Variants in CA10 observed in about 807,000 individuals in gnomAD.
The protein encoded by CA10 is carbonic anhydrase-related protein 10.
In CA10, 14 loss-of-function variants were observed where a neutral mutation model predicts 44.2. The ratio of observed to expected loss-of-function variants is 0.32; its 90% CI spans 0.21 to 0.50. CA10 has a LOEUF of 0.50. Among genes scored for constraint, CA10 ranks in the 20% least tolerant of loss-of-function variants. The probability of loss-of-function intolerance (pLI) is 0.99; values close to 1 mark genes in which losing one functional copy is unlikely to be tolerated. For synonymous variants in CA10, 159 were observed against 141.6 expected, an observed-to-expected ratio of 1.12 and a Z score of -0.87; for missense variants, 350 against 409.7, an observed-to-expected ratio of 0.85 and a Z score of 1.26.
intron 2 of CA10, among the ~76,000 whole-genome samples, chr17:52,009,600 C>G (rs1801773835): frequency 6.6e-6 from 1 of 151,944 alleles, no homozygotes; most frequent in Non-Finnish European, 1.5e-5. Flanking sequence ...TAGAATACCT[C>G]TAAAGCAAAG....
intron 4 of CA10, among the ~76,000 whole-genome samples, chr17:51,732,975 A>G (rs2143565518): frequency 6.6e-6 from 1 of 152,236 alleles, no homozygotes; most frequent in East Asian, 1.9e-4. Flanking sequence ...CAGTTCCTTC[A>G]TTTGTCCAGT....
rs1029407323 is a variant in CA10 at position 51,731,438 on chromosome 17, C to T, written c.465+16195G>A. Among the ~76,000 whole-genome samples the T allele has an allele frequency of 2.5e-4, 38 of 152,154 alleles. 1 individual carries two copies. Among genetic ancestry groups the T allele is most frequent in the African/African-American group, 9.1e-4 (38 of 41,542 alleles). On this transcript the variant is annotated intron_variant, in intron 4 of 8. Transcript: ENST00000451037. ...GTAATCTGGAACAATATAAACAATT[C>T]TTTTTGCTCTGAGTTCTAGAAACTG...
chr17:51,733,510 C>T (rs1416926544), intron 4 of CA10, among the ~76,000 whole-genome samples: 1 of 152,122 alleles, frequency 6.6e-6, no homozygotes, highest in East Asian at 1.9e-4. Flanking sequence ...GGGGAAATAT[C>T]ACCCTCCAGC....
intron 3 of CA10, among the ~76,000 whole-genome samples, chr17:51,841,482 G>A (rs1466638938): frequency 6.6e-6 from 1 of 152,146 alleles, no homozygotes; most frequent in Non-Finnish European, 1.5e-5. Context: ...TCCTCCACAG[G>A]GGAATTTCCA....
intron 3 of CA10, among the ~76,000 whole-genome samples, chr17:51,901,757 A>G (rs575268013): frequency 4.6e-5 from 7 of 152,224 alleles, no homozygotes; most frequent in Admixed American, 2.6e-4. Flanking sequence ...TAATGATGAC[A>G]ATGTTGTTGT....
rs187067022 is a variant in CA10, at chr17:51,665,209, G to C, written c.466-11473C>G. Among the ~76,000 whole-genome samples, 965 of 152,242 alleles carry C rather than the reference G, an allele frequency of 6.3e-3. 10 individuals are homozygous for C. Among genetic ancestry groups the C allele is most frequent in the Middle Eastern group, 0.034 (10 of 294 alleles). ...AGGCTTGGTTTTGTACACATTAATT[G>C]CATAAAGTATGATACTTAATAAGCA... is the stretch of plus-strand genomic sequence containing the variant. On this transcript the variant is annotated intron_variant, in intron 4 of 8. Transcript: ENST00000451037.
chr17:51,988,346 C>G (rs1249245350), intron 2 of CA10, among the ~76,000 whole-genome samples: 2 of 151,846 alleles, frequency 1.3e-5, no homozygotes, highest in African/African-American at 4.8e-5. Flanking sequence ...TGAAATGAAG[C>G]AGTCAGTAAG....
chr17:52,024,087 G>A (rs1394995640), intron 2 of CA10, among the ~76,000 whole-genome samples: 1 of 151,834 alleles, frequency 6.6e-6, no homozygotes, highest in Non-Finnish European at 1.5e-5. Context: ...CTTCTATCTG[G>A]GCTCTTGGCT....
chr17:51,782,595 G>C (rs1040256603), intron 3 of CA10, among the ~76,000 whole-genome samples: 6 of 152,200 alleles, frequency 3.9e-5, no homozygotes, highest in African/African-American at 1.4e-4. Flanking sequence ...AAAACAGAAA[G>C]AAAAGTATGA....
At chr17:52,065,174 C>T (rs939153472) in intron 2 of CA10, among the ~76,000 whole-genome samples, 3 of 152,222 alleles carry the variant, frequency 2.0e-5, no homozygotes, top group Non-Finnish European at 4.4e-5. Flanking sequence ...GATGACTCTG[C>T]ACTAGCAACG....
At chr17:51,859,504 G>A (rs1217447471) in intron 3 of CA10, among the ~76,000 whole-genome samples, 1 of 152,070 alleles carries the variant, frequency 6.6e-6, no homozygotes, top group African/African-American at 2.4e-5. Context: ...AATCACCTTG[G>A]GATACCCAGT....
intron 1 of CA10, among the ~76,000 whole-genome samples, chr17:52,091,198 G>A (rs186216110): frequency 1.4e-3 from 216 of 152,082 alleles, no homozygotes; most frequent in African/African-American, 4.9e-3. Flanking sequence ...TGTTAAGTGA[G>A]GTTATTTTCA....
intron 2 of CA10, among the ~76,000 whole-genome samples, chr17:51,957,402 G>GT (rs1285720268): frequency 2.0e-5 from 3 of 151,654 alleles, no homozygotes; most frequent in Admixed American, 2.0e-4. Flanking sequence ...CTCTTAAGAA[G>GT]TTACTTGCTA....
chr17:51,861,755 A>C (rs1308581300), intron 3 of CA10, among the ~76,000 whole-genome samples: 1 of 152,212 alleles, frequency 6.6e-6, no homozygotes, highest in Non-Finnish European at 1.5e-5. Flanking sequence ...CTTGATTTAC[A>C]TAAAATAAAT....
intron 2 of CA10, among the ~76,000 whole-genome samples, chr17:51,933,283 G>A (rs1047381761): frequency 6.6e-6 from 1 of 152,020 alleles, no homozygotes; most frequent in Non-Finnish European, 1.5e-5. Flanking sequence ...TATCTGGGTG[G>A]GCCCAATGTA....
chr17:51,661,011 A>C (rs1913987266), intron 4 of CA10, among the ~76,000 whole-genome samples: 1 of 152,050 alleles, frequency 6.6e-6, no homozygotes, highest in Admixed American at 6.5e-5. Context: ...ATCTCAGCTC[A>C]AGGGTCACCT....
At chr17:52,002,399 ACT>A (rs1985456211) in intron 2 of CA10, among the ~76,000 whole-genome samples, 1 of 151,656 alleles carries the variant, frequency 6.6e-6, no homozygotes, top group South Asian at 2.1e-4. Context: ...AGTGCAGGTG[ACT>A]CTGGGACTAC....
intron 4 of CA10, among the ~76,000 whole-genome samples, chr17:51,664,434 T>C (rs762507522): frequency 7.9e-5 from 12 of 151,778 alleles, no homozygotes; most frequent in Admixed American, 3.3e-4. Context: ...AGCACATCAA[T>C]TGAATGAAGC....
chr17:52,032,143 C>A (rs566374812), intron 2 of CA10, among the ~76,000 whole-genome samples: 1 of 152,146 alleles, frequency 6.6e-6, no homozygotes, highest in Non-Finnish European at 1.5e-5. Context: ...CCAGTGAATG[C>A]TTTAAATCCC....
Sources: allele counts gnomAD v4.1 joint callset (sites outside exome capture counted in the v4.1 genomes callset), GRCh38; gene constraint gnomAD v4.1.1; transcripts MANE v1.5; gene names NCBI Gene and HGNC (gene_info 2026-07-23, HGNC 2026-07-21).